Variants in RAD51B observed in about 807,000 individuals in gnomAD.
The protein encoded by RAD51B is DNA repair protein RAD51 homolog 2.
Under a neutral mutation model 42.2 loss-of-function variants are expected in RAD51B, and 38 were observed. The observed-to-expected ratio is 0.90, with a 90% confidence interval of 0.70 to 1.18. The LOEUF is 1.18. Ranked by LOEUF, RAD51B falls within the 50% of genes most tolerant of loss-of-function variation. RAD51B has a pLI of 0.00. For synonymous variants in RAD51B, 154 were observed against 145.2 expected (o/e 1.06, Z -0.43); for missense variants, 373 against 400.7 (o/e 0.93, Z 0.59).
At chr14:68,138,594 T>C (rs1335735344) in intron 7 of RAD51B, among the ~76,000 whole-genome samples, 1 of 152,218 alleles carries the variant, frequency 6.6e-6, no homozygotes, top group East Asian at 1.9e-4. Context: ...CCCTAATTTA[T>C]GTATTTATTT....
intron 7 of RAD51B, among the ~76,000 whole-genome samples, chr14:68,134,373 A>C (rs535745160): frequency 1.7e-4 from 26 of 152,212 alleles, no homozygotes; most frequent in Admixed American, 1.4e-3. Flanking sequence ...GATAGTTTTC[A>C]GTTTGGGACT....
intron 7 of RAD51B, among the ~76,000 whole-genome samples, chr14:67,944,132 C>CATTTTAA (rs1273047997): frequency 2.0e-5 from 3 of 150,706 alleles, no homozygotes; most frequent in Admixed American, 1.3e-4. Context: ...AACTAAAGCA[C>CATTTTAA]ATTTTAATGG....
At chr14:68,549,946 C>G (rs1453986032) in intron 10 of RAD51B, among the ~76,000 whole-genome samples, 3 of 152,202 alleles carry the variant, frequency 2.0e-5, no homozygotes, top group Admixed American at 2.0e-4. Flanking sequence ...AGTTTTCCAG[C>G]TGTCCCCCAC....
At chr14:68,642,770 G>A (rs777298147) in intron 10 of RAD51B, among the ~76,000 whole-genome samples, 8 of 152,076 alleles carry the variant, frequency 5.3e-5, no homozygotes, top group Non-Finnish European at 1.0e-4. Context: ...CCCTGCTTTT[G>A]CTGCATCCCA....
chr14:67,832,058 A>G (rs2041071067), intron 3 of RAD51B, among the ~76,000 whole-genome samples: 1 of 152,234 alleles, frequency 6.6e-6, no homozygotes, highest in African/African-American at 2.4e-5. Flanking sequence ...ATTGGAAACA[A>G]TAATAATAGG....
rs189498720 is a variant in RAD51B at position 68,314,769 on chromosome 14, T to C, written c.853+22789T>C. Among the ~76,000 whole-genome samples, 70 of 152,222 alleles carry C rather than the reference T, an allele frequency of 4.6e-4. 1 individual carries two copies. In the East Asian group the frequency reaches 0.013, roughly 27 times the overall value. ...TATGACAGGCAATGATGGTTCAGAGTACAGACAGAGCTCCTGTAGAGCGTG... is the reference window on the plus strand; with the variant it reads ...TATGACAGGCAATGATGGTTCAGAGCACAGACAGAGCTCCTGTAGAGCGTG... On this transcript the variant is annotated intron_variant, in intron 8 of 10. Coordinates refer to ENST00000471583, the MANE Select transcript of RAD51B (RefSeq NM_133510.4).
At chr14:68,667,805 G>A (rs1031099660) in intron 11 of RAD51B, among the ~76,000 whole-genome samples, 1 of 152,158 alleles carries the variant, frequency 6.6e-6, no homozygotes, top group Non-Finnish European at 1.5e-5. Context: ...ACTTTTCACT[G>A]TTTGAGGAAT....
At chr14:67,995,984 A>G (rs2075377749) in intron 7 of RAD51B, among the ~76,000 whole-genome samples, 1 of 152,172 alleles carries the variant, frequency 6.6e-6, no homozygotes, top group South Asian at 2.1e-4. Context: ...TTCAAGGAGT[A>G]CTTAATTATA....
At chr14:68,474,330 T>A (rs893249935) in intron 10 of RAD51B, among the ~76,000 whole-genome samples, 10 of 152,216 alleles carry the variant, frequency 6.6e-5, no homozygotes, top group Admixed American at 3.3e-4. Context: ...CAGCCTCGTA[T>A]AATCGTTAAG....
At chr14:68,555,399 G>A (rs1013067757) in intron 10 of RAD51B, among the ~76,000 whole-genome samples, 31 of 152,186 alleles carry the variant, frequency 2.0e-4, no homozygotes, top group African/African-American at 6.3e-4. Context: ...CATGAAACGC[G>A]CCAGAGTGTC....
Position 68,680,599 on chromosome 14 carries a change from G to A in RAD51B, c.*11+29743G>A, listed in dbSNP as rs556715250. On this transcript the variant is annotated intron_variant, in intron 11 of 11. Transcript: ENST00000488612. ...ACACCACCGTCCCGTTCCTCTTCCC[G>A]TTAGCCCAGATGGGTCCCATGCTAT... Among the ~76,000 whole-genome samples, 7 of 152,002 alleles carry A rather than the reference G, an allele frequency of 4.6e-5. No homozygotes were observed. In the South Asian group the frequency reaches 8.3e-4, roughly 18 times the overall value.
intron 7 of RAD51B, among the ~76,000 whole-genome samples, chr14:68,157,218 GACTT>G (rs748241455): frequency 2.6e-5 from 4 of 151,830 alleles, no homozygotes; most frequent in Non-Finnish European, 5.9e-5. Context: ...AAGCAAAAGG[GACTT>G]ACTTTGGGGA....
chr14:68,221,095 T>C (rs1195120126), intron 7 of RAD51B, among the ~76,000 whole-genome samples: 1 of 152,136 alleles, frequency 6.6e-6, no homozygotes, highest in Non-Finnish European at 1.5e-5. Context: ...GCCACTGCAC[T>C]CAATATGTGA....
chr14:68,553,589 A>G (rs1385991983), intron 10 of RAD51B, among the ~76,000 whole-genome samples: 1 of 152,112 alleles, frequency 6.6e-6, no homozygotes, highest in Non-Finnish European at 1.5e-5. Context: ...GGCTTAACCA[A>G]AGGATGAAAA....
intron 5 of RAD51B, among the ~76,000 whole-genome samples, chr14:67,881,248 A>G (rs780937300): frequency 1.1e-4 from 17 of 152,196 alleles, no homozygotes; most frequent in Non-Finnish European, 2.5e-4. Context: ...TCTGAAACTT[A>G]TTTAGCTTCA....
chr14:68,630,374 A>T (rs1182914730), intron 10 of RAD51B, among the ~76,000 whole-genome samples: 2 of 147,614 alleles, frequency 1.4e-5, no homozygotes, highest in Non-Finnish European at 3.0e-5. Flanking sequence ...TTTCTCCCCC[A>T]CTAGTCCCCC....
intron 7 of RAD51B, among the ~76,000 whole-genome samples, chr14:68,171,296 T>C (rs1254834214): frequency 6.6e-6 from 1 of 152,162 alleles, no homozygotes; most frequent in African/African-American, 2.4e-5. Flanking sequence ...TATTTTTTTT[T>C]GTTTGTTTGT....
chr14:68,442,435 C>CTGTT (rs2085320940), intron 9 of RAD51B, among the ~76,000 whole-genome samples: 1 of 68,406 alleles, frequency 1.5e-5, no homozygotes, highest in Admixed American at 2.2e-4. Flanking sequence ...AGGCATTGTG[C>CTGTT]TTTTTTTTTT....
At chr14:68,518,237 G>A (rs1886297641) in intron 10 of RAD51B, among the ~76,000 whole-genome samples, 1 of 152,176 alleles carries the variant, frequency 6.6e-6, no homozygotes, top group South Asian at 2.1e-4. Context: ...CGGGAACATG[G>A]TTGTTTTCCA....
Sources: gnomAD v4.1 joint callset for allele counts (sites outside exome capture counted in the v4.1 genomes callset) on GRCh38, gnomAD v4.1.1 for gene constraint, MANE v1.5 for transcripts, NCBI Gene and HGNC (gene_info 2026-07-23, HGNC 2026-07-21) for gene names.